Variants in FMN1 observed in about 807,000 individuals in gnomAD.
FMN1 encodes the protein formin 1, also known as formin-1.
A neutral mutation model predicts 132.4 loss-of-function variants in FMN1; 110 were observed. The ratio of observed to expected loss-of-function variants is 0.83; its 90% confidence interval spans 0.71 to 0.97. The LOEUF is 0.97. FMN1 is among the 50% of genes least tolerant of loss of function. FMN1 has a pLI of 0.00. For synonymous variants in FMN1, 722 were observed against 651.7 expected (o/e 1.11, Z -1.64); for missense variants, 1,792 against 1,705.3 (o/e 1.05, Z -0.90).
At chr15:33,040,062 C>T (rs1401418062) in intron 6 of FMN1, among the ~76,000 whole-genome samples, 1 of 152,200 alleles carries the variant, frequency 6.6e-6, no homozygotes, top group Non-Finnish European at 1.5e-5. Flanking sequence ...CCATGGAAGA[C>T]GTGGCACCAT....
In FMN1 at chr15:32,771,700, T is replaced by C. The variant is rs542853749; in HGVS notation, c.*2610A>G. ...CTTAAAGCCTGCTGGCAGGATGTGCTTAAGCTGCCAAATGGCATCCCGATC... is the reference window on the plus strand; with the variant it reads ...CTTAAAGCCTGCTGGCAGGATGTGCCTAAGCTGCCAAATGGCATCCCGATC... On this transcript the variant is annotated 3_prime_UTR_variant, in exon 21 of 21. Transcript: ENST00000616417. The C allele has an allele frequency of 6.6e-6, 1 of 152,398 alleles. No individual in the cohort carries two copies. The highest frequency in any genetic ancestry group is 1.5e-5 in the Non-Finnish European group (1 of 68,078). The allele number at this position is 152,398 out of a possible 1,614,324, so 9.4% of individuals were successfully genotyped here.
At position 32,771,137 on chromosome 15, in the gene FMN1, G is replaced by GGC. The variant is rs2056225118; in HGVS notation, c.*3172_*3173insGC. Reference sequence around the variant, plus strand: ...ACTGTCGCCCAGGCTGGAGTGCAGTGGTGCTATCTCGGCTAGCTGCAAGCT... The same window carrying GGC: ...ACTGTCGCCCAGGCTGGAGTGCAGTGGCGTGCTATCTCGGCTAGCTGCAAGCT... On this transcript the variant is annotated 3_prime_UTR_variant, in exon 21 of 21. Transcript: ENST00000616417. The GGC allele has an allele frequency of 2.0e-5, 3 of 150,106 alleles. No individual in the cohort carries two copies. Among genetic ancestry groups the GGC allele is most frequent in the South Asian group, 4.2e-4 (2 of 4,708 alleles). The allele number at this position is 150,106 out of a possible 1,614,324, so 9.3% of individuals were successfully genotyped here.
intron 11 of FMN1, among the ~76,000 whole-genome samples, chr15:32,909,405 A>G (rs561603873): frequency 6.6e-6 from 1 of 152,316 alleles, no homozygotes; most frequent in East Asian, 1.9e-4. Context: ...TGGTTTATTA[A>G]CGAAAGCTTT....
intron 3 of FMN1, among the ~76,000 whole-genome samples, chr15:33,163,296 T>G (rs1001294491): frequency 7.8e-5 from 10 of 128,828 alleles, no homozygotes; most frequent in Middle Eastern, 4.0e-3. Flanking sequence ...GTCTTGTCTT[T>G]TCTTTTTTTT....
chr15:33,130,304 C>T (rs1340306487), intron 4 of FMN1, among the ~76,000 whole-genome samples: 2 of 152,088 alleles, frequency 1.3e-5, no homozygotes, highest in East Asian at 3.8e-4. Flanking sequence ...CAAAATATTG[C>T]CCTACATGTA....
At chr15:33,043,747 T>A (rs1024249362) in intron 6 of FMN1, among the ~76,000 whole-genome samples, 3 of 152,206 alleles carry the variant, frequency 2.0e-5, no homozygotes, top group African/African-American at 7.2e-5. Context: ...ACATGCTCCA[T>A]GCAGCCAGTG....
At chr15:32,994,520 C>T (rs759675062) in intron 7 of FMN1, among the ~76,000 whole-genome samples, 1 of 152,158 alleles carries the variant, frequency 6.6e-6, no homozygotes, top group Non-Finnish European at 1.5e-5. Context: ...ATCAGAGCAG[C>T]TCCACAGCAC....
chr15:32,831,967 G>T (rs1237438702), intron 17 of FMN1, among the ~76,000 whole-genome samples: 1 of 152,100 alleles, frequency 6.6e-6, no homozygotes, highest in African/African-American at 2.4e-5. Flanking sequence ...GTGAACTTTT[G>T]TAACTCTTTA....
chr15:32,852,476 C>T (rs569243674), intron 17 of FMN1, among the ~76,000 whole-genome samples: 4 of 152,188 alleles, frequency 2.6e-5, no homozygotes, highest in African/African-American at 9.6e-5. Context: ...AACTCTTGGG[C>T]TCAAGCAATC....
In FMN1 at chr15:32,964,247, T is replaced by C. The variant is rs748697893; in HGVS notation, c.2998A>G (p.Thr1000Ala). 2.5e-6 allele frequency: 4 copies of C among 1,585,586 alleles called. No homozygotes were observed. Among genetic ancestry groups the C allele is most frequent in the Non-Finnish European group, 3.4e-6 (4 of 1,165,444 alleles). Residue 1000 changes from threonine (T) to alanine (A), a missense_variant, in exon 9 of 21, where the codon ACA becomes GCA. Thr to Ala is a moderately conservative substitution (Grantham distance 58). Around this residue, in one of 3 missense-constraint regions of FMN1, gnomAD observed 1,150 missense variants for 1,043.1 expected, o/e 1.10. Transcript: ENST00000616417. ...IQISDRSQNA[T>A]PTLWDSLEEP... is the part of the protein sequence containing the mutation. Reference sequence around the variant, plus strand: ...TCTAAGGAGTCCCATAAGGTTGGTGTAGCATTTTGGCTTAAAAGAGAAAAT... The same window carrying C: ...TCTAAGGAGTCCCATAAGGTTGGTGCAGCATTTTGGCTTAAAAGAGAAAAT...
chr15:32,852,934 A>G (rs2141270912), intron 17 of FMN1, among the ~76,000 whole-genome samples: 1 of 152,302 alleles, frequency 6.6e-6, no homozygotes, highest in Non-Finnish European at 1.5e-5. Context: ...ATCTAGCCAC[A>G]CCAAGTTGCT....
chr15:33,047,894 C>G (rs879565002), intron 6 of FMN1, among the ~76,000 whole-genome samples: 1 of 152,036 alleles, frequency 6.6e-6, no homozygotes, highest in African/African-American at 2.4e-5. Context: ...AACTTAGAAA[C>G]TAGTAAATGA....
intron 17 of FMN1, among the ~76,000 whole-genome samples, chr15:32,805,173 T>C (rs927566372): frequency 1.2e-4 from 18 of 152,172 alleles, no homozygotes; most frequent in African/African-American, 4.3e-4. Context: ...GCATCTGTTG[T>C]TTCCTGACTT....
At chr15:32,867,263 A>G (rs1020169115) in intron 16 of FMN1, among the ~76,000 whole-genome samples, 1 of 151,616 alleles carries the variant, frequency 6.6e-6, no homozygotes, top group Non-Finnish European at 1.5e-5. Context: ...CACCTCTATT[A>G]CTCTGAGAGG....
intron 9 of FMN1, among the ~76,000 whole-genome samples, chr15:32,935,557 C>T (rs1246589954): frequency 6.6e-6 from 1 of 152,096 alleles, no homozygotes; most frequent in Non-Finnish European, 1.5e-5. Context: ...TTCCTACCTT[C>T]TCCTTCTGTA....
chr15:33,107,831 G>A (rs2039545088), intron 4 of FMN1, among the ~76,000 whole-genome samples: 2 of 151,968 alleles, frequency 1.3e-5, no homozygotes, highest in Non-Finnish European at 2.9e-5. Flanking sequence ...GTATATAGGT[G>A]GTACTATGAT....
rs781349125 is a variant in FMN1, at chr15:32,901,951, G to C, written c.3467C>G (p.Ser1156Cys). ...GATGATCTCTACCTTTCTGTGCAAG[G>C]AGGTGATACCCTCAGAAAAGACAGA... ...FRSVFSEGIT[S>C]LHRKVEIITR... The change falls in exon 13 of 21, where the codon TCC becomes TGC. Residue 1156 changes from serine to cysteine, a missense_variant. Coordinates refer to ENST00000616417, the MANE Select transcript of FMN1 (RefSeq NM_001277313.2). 15 of 1,613,052 alleles carry C rather than the reference G, an allele frequency of 9.3e-6. No individual in the cohort carries two copies. In the Admixed American group the frequency reaches 2.5e-4, roughly 27 times the overall value.
intron 20 of FMN1, among the ~76,000 whole-genome samples, chr15:32,775,277 G>C (rs904899387): frequency 6.6e-6 from 1 of 152,114 alleles, no homozygotes; most frequent in African/African-American, 2.4e-5. Flanking sequence ...ATTGAATCAG[G>C]AATCAGTTTA....
intron 13 of FMN1, 48 bp downstream of exon 13, chr15:32,901,862 CT>C (rs1567358104): frequency 6.6e-7 from 1 of 1,526,636 alleles, no homozygotes; most frequent in East Asian, 2.3e-5. Context: ...CCACTTTCTT[CT>C]TTACTCTTCA....
Sources: allele counts gnomAD v4.1 joint callset (sites outside exome capture counted in the v4.1 genomes callset), GRCh38; gene constraint gnomAD v4.1.1; regional missense constraint gnomAD v4.1.1; transcripts MANE v1.5; gene names NCBI Gene and HGNC (gene_info 2026-07-23, HGNC 2026-07-21).